The following ZNF585B variants were observed in gnomAD, a reference collection of about 807,000 sequenced individuals.
The protein encoded by ZNF585B is zinc finger protein 585B, also known as zinc finger protein 41-like protein.
In ZNF585B, 7 loss-of-function variants were observed where a neutral mutation model predicts 14.0. That is an observed-to-expected ratio of 0.50 (90% CI 0.28 to 0.94). The LOEUF (loss-of-function observed/expected upper bound fraction) is 0.94. Ranked by LOEUF, ZNF585B falls within the 40% of genes least tolerant of loss-of-function variation. The pLI, the probability that ZNF585B is intolerant of heterozygous loss-of-function variation, is 0.09. For synonymous variants in ZNF585B, 290 were observed against 317.3 expected (o/e 0.91, Z 0.91); for missense variants, 750 against 924.4 (o/e 0.81, Z 2.45).
intron 2 of ZNF585B, among the ~76,000 whole-genome samples, chr19:37,198,418 A>G (rs567903208): frequency 6.6e-6 from 1 of 152,112 alleles, no homozygotes; most frequent in Admixed American, 6.6e-5. Flanking sequence ...GTGGTCCACC[A>G]GCCTCAGCTT....
chr19:37,190,931 A>G (rs961905857), intron 2 of ZNF585B, among the ~76,000 whole-genome samples: 2 of 152,206 alleles, frequency 1.3e-5, no homozygotes, highest in Admixed American at 6.5e-5. Context: ...AATTTTAAAC[A>G]TACAGAAAAT....
intron 1 of ZNF585B, among the ~76,000 whole-genome samples, chr19:37,208,874 C>A (rs1972615034): frequency 6.6e-6 from 1 of 151,978 alleles, no homozygotes; most frequent in African/African-American, 2.4e-5. Context: ...CACTTGAAAT[C>A]CCAGCTACTC....
chr19:37,190,113 C>T lies in ZNF585B; in HGVS notation c.110G>A (p.Ser37Asn), dbSNP rs1262452545. The T allele has an allele frequency of 6.2e-7, 1 of 1,614,194 alleles. No individual in the cohort carries two copies. Among genetic ancestry groups the T allele is most frequent in the South Asian group, 1.1e-5 (1 of 91,086 alleles). ...VSFRDVAIDF[S>N]REEWRHLDLS... Reference sequence around the variant, plus strand: ...GTCCAGGTGCCGCCATTCCTCTCTGCTGAAATCGATAGCCACATCCCTGAA... The same window carrying T: ...GTCCAGGTGCCGCCATTCCTCTCTGTTGAAATCGATAGCCACATCCCTGAA... The change falls in exon 3 of 5, where the codon AGC (serine) becomes AAC (asparagine). Residue 37 changes from serine (S) to asparagine (N), a missense_variant. By Grantham distance (46) the Ser-to-Asn change is conservative. Around this residue, in one of 2 missense-constraint regions of ZNF585B, gnomAD observed 517 missense variants for 570.3 expected, o/e 0.91. Coordinates refer to ENST00000532828, the MANE Select transcript of ZNF585B (RefSeq NM_152279.4).
intron 2 of ZNF585B, among the ~76,000 whole-genome samples, chr19:37,206,323 T>A (rs984477892): frequency 3.3e-5 from 5 of 151,378 alleles, no homozygotes; most frequent in Admixed American, 2.6e-4. Context: ...AGGTGGCACA[T>A]GCCTGTAGTC....
At chr19:37,194,652 AT>A (rs1206880352) in intron 2 of ZNF585B, among the ~76,000 whole-genome samples, 1 of 152,166 alleles carries the variant, frequency 6.6e-6, no homozygotes, top group Non-Finnish European at 1.5e-5. Context: ...AGGGACTTGA[AT>A]ACCCTTCCCT....
chr19:37,191,315 C>G (rs1972397421), intron 2 of ZNF585B, among the ~76,000 whole-genome samples: 1 of 151,986 alleles, frequency 6.6e-6, no homozygotes, highest in African/African-American at 2.4e-5. Flanking sequence ...CGCCTGTAAT[C>G]CAAGCAAGAA....
At chr19:37,202,402 A>T (rs191873586) in intron 2 of ZNF585B, among the ~76,000 whole-genome samples, 241 of 152,330 alleles carry the variant, frequency 1.6e-3, no homozygotes, top group African/African-American at 5.5e-3. Flanking sequence ...AACAAAATAA[A>T]ACAAAAACCT....
At position 37,198,902 on chromosome 19, in the gene ZNF585B, A is replaced by AT. The variant is rs767828324; in HGVS notation, c.72+8137dup. On this transcript the variant is annotated intron_variant, in intron 2 of 4. Coordinates refer to ENST00000532828, the MANE Select transcript of ZNF585B (RefSeq NM_152279.4). The stretch of plus-strand genomic sequence containing the variant: ...AAGAAAAGTACTAAAGATATTTATA[A>AT]TTTTTAATATGTAAAATTATGATTT... The AT allele has an allele frequency of 7.3e-6, 9 of 1,229,064 alleles. No homozygotes were observed. The Middle Eastern group carries it at 1.9e-3, about 255-fold the overall frequency. The allele number at this position is 1,229,064 out of a possible 1,614,324, so 76.1% of individuals were successfully genotyped here.
rs757339488 is a variant in ZNF585B, at chr19:37,187,271, T to C, written c.293-27A>G. 5 of 1,498,850 alleles carry C rather than the reference T, an allele frequency of 3.3e-6. No homozygotes were observed. The South Asian group carries it at 5.1e-5, about 15-fold the overall frequency. 92.8% of individuals were successfully genotyped at this position (1,498,850 alleles called of 1,614,324 possible). On this transcript the variant is annotated intron_variant, in intron 4 of 4. Coordinates refer to ENST00000532828, the MANE Select transcript of ZNF585B (RefSeq NM_152279.4). ...TGTTGGAGTACATTCACAGTAAGTATAGAAAGACATTTTACCATAGTTAGT... is the reference window on the plus strand; with the variant it reads ...TGTTGGAGTACATTCACAGTAAGTACAGAAAGACATTTTACCATAGTTAGT...
At chr19:37,190,366 C>A in intron 2 of ZNF585B, 1 of 472,184 alleles carries the variant, frequency 2.1e-6, no homozygotes, top group Non-Finnish European at 3.6e-6. Context: ...CTGCCTCAGC[C>A]TCCTGAGTAG....
Position 37,186,554 on chromosome 19 carries a change from C to A in ZNF585B, c.983G>T (p.Cys328Phe). The change falls in exon 5 of 5, where the codon TGT becomes TTT. Residue 328 changes from cysteine to phenylalanine, a missense_variant. Around this residue, in one of 2 missense-constraint regions of ZNF585B, gnomAD observed 517 missense variants for 570.3 expected, o/e 0.91. Transcript: ENST00000532828. ...RVHTRVKPYI[C>F]TEYGKVFSNN... ...GCTGAAGACCTTCCCATATTCGGTA[C>A]ATATATAGGGCTTCACTCTTGTGTG... 3 of 1,614,192 alleles carry A rather than the reference C, an allele frequency of 1.9e-6. No homozygotes were observed. Among genetic ancestry groups the A allele is most frequent in the Non-Finnish European group, 8.5e-7 (1 of 1,180,046 alleles).
At chr19:37,206,921 A>C (rs1972592735) in intron 2 of ZNF585B, 119 bp downstream of exon 2, 1 of 1,267,092 alleles carries the variant, frequency 7.9e-7, no homozygotes, top group South Asian at 1.4e-5. Context: ...CAGGAGCACC[A>C]AGTCTAGAGT....
intron 3 of ZNF585B, 88 bp from the exon 4 acceptor site, chr19:37,189,841 G>A (rs753470715): frequency 2.8e-5 from 44 of 1,591,048 alleles, no homozygotes; most frequent in African/African-American, 4.0e-5. Flanking sequence ...ATGATGGTTT[G>A]TTCTTTAGGA....
chr19:37,201,814 ATAAGG>A (rs1972533350), intron 2 of ZNF585B, among the ~76,000 whole-genome samples: 2 of 152,236 alleles, frequency 1.3e-5, no homozygotes, highest in African/African-American at 4.8e-5. Context: ...ATGTAATTGC[ATAAGG>A]TAAATTACTT....
rs767066442 is a variant in ZNF585B, at chr19:37,186,185, G to A, written c.1352C>T (p.Ser451Leu). The change falls in exon 5 of 5, where the codon TCA becomes TTA. Residue 451 changes from serine to leucine, a missense_variant. Physicochemically the swap from Ser to Leu is moderately radical, Grantham distance 145. This residue lies in a region of ZNF585B where 517 missense variants were observed against 570.3 expected (regional missense o/e 0.91). Transcript: ENST00000532828. ...GHCGKLFTSK[S>L]QLHVHKRIHT... ...AATTCGTTTATGAACATGGAGTTGT[G>A]ACTTGGAAGTAAACAATTTCCCACA... The A allele has an allele frequency of 6.2e-7, 1 of 1,614,030 alleles. No individual in the cohort carries two copies. The highest frequency in any genetic ancestry group is 8.5e-7 in the Non-Finnish European group (1 of 1,180,044).
intron 2 of ZNF585B, 60 bp downstream of exon 2, chr19:37,206,980 C>A: frequency 6.2e-7 from 1 of 1,602,982 alleles, no homozygotes; most frequent in Non-Finnish European, 8.5e-7. Context: ...GCTGTGGTGA[C>A]AGATTAGAGC....
intron 2 of ZNF585B, among the ~76,000 whole-genome samples, chr19:37,201,735 A>G (rs976044046): frequency 3.3e-5 from 5 of 152,228 alleles, no homozygotes; most frequent in Non-Finnish European, 7.3e-5. Context: ...TAAGTGGTCA[A>G]TGAAGACTTG....
intron 2 of ZNF585B, among the ~76,000 whole-genome samples, chr19:37,191,825 C>A (rs1972404900): frequency 6.6e-6 from 1 of 151,796 alleles, no homozygotes. Context: ...CGAGGTCAGA[C>A]GTTCAAGACC....
At chr19:37,190,265 T>G in intron 2 of ZNF585B, 115 bp from the exon 3 acceptor site, 1 of 1,452,632 alleles carries the variant, frequency 6.9e-7, no homozygotes, top group Non-Finnish European at 9.2e-7. Flanking sequence ...ATTTTTTTTT[T>G]GAGACAGTCT....
Sources: gnomAD v4.1 joint callset for allele counts (sites outside exome capture counted in the v4.1 genomes callset) on GRCh38, gnomAD v4.1.1 for gene constraint, gnomAD v4.1.1 regional missense constraint, MANE v1.5 for transcripts, NCBI Gene and HGNC (gene_info 2026-07-23, HGNC 2026-07-21) for gene names.